Variants in ABL1 observed in about 807,000 individuals in gnomAD.
ABL1 encodes tyrosine-protein kinase ABL1.
ABL1 carries 11 observed loss-of-function variants against 94.7 expected under a neutral mutation model. That is an observed-to-expected ratio of 0.12 (90% confidence interval 0.07 to 0.19). ABL1 has a LOEUF of 0.19. ABL1 is among the 10% of genes least tolerant of loss of function. The pLI is 1.00. For missense variants in ABL1, 1,082 were observed against 1,489.4 expected (o/e 0.73, Z 4.50); for synonymous variants, 656 against 622.4 (o/e 1.05, Z -0.80).
At chr9:130,775,483 T>C (rs1175086920) in intron 1 of ABL1, among the ~76,000 whole-genome samples, 1 of 152,072 alleles carries the variant, frequency 6.6e-6, no homozygotes, top group African/African-American at 2.4e-5. Context: ...TCAGTGAAAT[T>C]AAAACTTCAG....
intron 3 of ABL1, among the ~76,000 whole-genome samples, chr9:130,855,576 G>A (rs1036009774): frequency 1.8e-4 from 27 of 152,106 alleles, no homozygotes; most frequent in Non-Finnish European, 3.2e-4. Context: ...GTGGACATAC[G>A]TGCATACACG....
intron 1 of ABL1, among the ~76,000 whole-genome samples, chr9:130,849,446 T>C (rs1830823280): frequency 6.6e-6 from 1 of 152,238 alleles, no homozygotes; most frequent in Non-Finnish European, 1.5e-5. Flanking sequence ...AAGATGTATC[T>C]GCAGATTTGG....
chr9:130,841,951 G>GAGA (rs1564307628), intron 1 of ABL1, among the ~76,000 whole-genome samples: 1 of 127,890 alleles, frequency 7.8e-6, no homozygotes, highest in African/African-American at 3.5e-5. Context: ...AGAGAGAGAG[G>GAGA]GAGGGAGGAA....
rs1414227306 is a variant in ABL1 at position 130,746,387 on chromosome 9, G to A, written c.136+31932G>A. On this transcript the variant is annotated intron_variant, in intron 1 of 10. Coordinates refer to the ABL1 transcript ENST00000372348. ...TTTATAGATTTGTATAACTACCATC[G>A]CCACCACAGGACATAAAATATTTCC... 4.0e-5 allele frequency among the ~76,000 whole-genome samples: 6 copies of A among 151,642 alleles called. No individual in the cohort carries two copies. In the East Asian group the frequency reaches 5.8e-4, roughly 15 times the overall value.
At chr9:130,800,246 A>G (rs760385285) in intron 1 of ABL1, among the ~76,000 whole-genome samples, 6 of 147,732 alleles carry the variant, frequency 4.1e-5, no homozygotes. Flanking sequence ...AGTACTTTTA[A>G]AAAAATTAAG....
Position 130,880,350 on chromosome 9 carries a change from A to G in ABL1, c.1514-150A>G, listed in dbSNP as rs969942102. 6.5e-6 allele frequency: 7 copies of G among 1,075,560 alleles called. No homozygotes were observed. In the African/African-American group the frequency reaches 1.1e-4, roughly 17 times the overall value. 66.6% of individuals were successfully genotyped at this position (1,075,560 alleles called of 1,614,324 possible). A position where few individuals can be genotyped will look rare whatever the true frequency, so the allele number is the denominator to read the frequency against. Reference sequence around the variant, plus strand: ...GCCCTGCAGAGTTCTAAGAAATGCTAAGGGCTGTTTCTCCGGTATCCACGT... The same window carrying G: ...GCCCTGCAGAGTTCTAAGAAATGCTGAGGGCTGTTTCTCCGGTATCCACGT... On this transcript the variant is annotated intron_variant, in intron 9 of 10. Transcript: ENST00000318560. This position sits in a 1 kb window ranked among gnomAD's most constrained non-coding sequence, Gnocchi z 4.4.
chr9:130,792,348 C>T (rs955329693), intron 1 of ABL1, among the ~76,000 whole-genome samples: 1 of 152,134 alleles, frequency 6.6e-6, no homozygotes, highest in Non-Finnish European at 1.5e-5. Flanking sequence ...CATGGTAGCT[C>T]GCATGGTAAC....
chr9:130,859,378 A>G (rs1292791264), intron 3 of ABL1, among the ~76,000 whole-genome samples: 1 of 152,208 alleles, frequency 6.6e-6, no homozygotes, highest in African/African-American at 2.4e-5. Flanking sequence ...TAGATGTTTA[A>G]GGTTTACCCG....
intron 1 of ABL1, among the ~76,000 whole-genome samples, chr9:130,730,697 G>T (rs1831653475): frequency 6.6e-6 from 1 of 151,690 alleles, no homozygotes; most frequent in African/African-American, 2.4e-5. Context: ...TCATCCTCCT[G>T]AGTAGCTGGG....
At chr9:130,754,419 A>T (rs1425342854) in intron 1 of ABL1, among the ~76,000 whole-genome samples, 2 of 146,114 alleles carry the variant, frequency 1.4e-5, no homozygotes, top group Non-Finnish European at 3.0e-5. Context: ...GAGGCAGGAG[A>T]ATGGCGTGAA....
At chr9:130,876,404 A>ACTTTTC in intron 7 of ABL1, among the ~76,000 whole-genome samples, 1 of 124,422 alleles carries the variant, frequency 8.0e-6, no homozygotes, top group East Asian at 2.0e-4. Flanking sequence ...ATAACAAATT[A>ACTTTTC]CTTTTTCTTT....
At chr9:130,840,230 G>C (rs1336186511) in intron 1 of ABL1, among the ~76,000 whole-genome samples, 4 of 152,346 alleles carry the variant, frequency 2.6e-5, no homozygotes, top group African/African-American at 9.6e-5. Flanking sequence ...TTCTAAGTGT[G>C]TTTTGATGCG....
At chr9:130,751,129 CTT>C (rs60206110) in intron 1 of ABL1, among the ~76,000 whole-genome samples, 127 of 57,450 alleles carry the variant, frequency 2.2e-3, no homozygotes, top group African/African-American at 0.01. Flanking sequence ...TTTTATTCAG[CTT>C]TTTTTTTTTT....
intron 1 of ABL1, among the ~76,000 whole-genome samples, chr9:130,821,952 G>A (rs942796932): frequency 3.3e-5 from 5 of 151,404 alleles, no homozygotes; most frequent in African/African-American, 7.3e-5. Context: ...CCATTCTCCC[G>A]CCTCAGCCTC....
chr9:130,724,172 T>C (rs1831550133), intron 1 of ABL1, among the ~76,000 whole-genome samples: 1 of 152,198 alleles, frequency 6.6e-6, no homozygotes, highest in South Asian at 2.1e-4. Context: ...TACAATGATA[T>C]GATCACTGTT....
chr9:130,790,465 T>TTTTATTTTATTTATTTA (rs1554764264), intron 1 of ABL1, among the ~76,000 whole-genome samples: 4 of 147,908 alleles, frequency 2.7e-5, no homozygotes, highest in African/African-American at 9.9e-5. Context: ...TTCATTTTTA[T>TTTTATTTTATTTATTTA]TTTATTTATT....
chr9:130,783,443 A>C (rs2132789500), intron 1 of ABL1, among the ~76,000 whole-genome samples: 1 of 152,306 alleles, frequency 6.6e-6, no homozygotes, highest in East Asian at 1.9e-4. Flanking sequence ...GACCAAAAGG[A>C]TATATCCTGA....
chr9:130,831,263 A>G (rs1830492066), upstream of ABL1, among the ~76,000 whole-genome samples: 1 of 152,146 alleles, frequency 6.6e-6, no homozygotes. Context: ...GCCTCCTGTC[A>G]GGTTCATCTG....
chr9:130,769,484 A>C (rs1473112568), intron 1 of ABL1, among the ~76,000 whole-genome samples: 1 of 151,762 alleles, frequency 6.6e-6, no homozygotes, highest in Non-Finnish European at 1.5e-5. Context: ...GGTGTGCACC[A>C]CCATGACTGG....
Sources: allele counts gnomAD v4.1 joint callset (sites outside exome capture counted in the v4.1 genomes callset), GRCh38; gene constraint gnomAD v4.1.1; non-coding constraint Gnocchi (gnomAD v3.1); transcripts MANE v1.5; gene names NCBI Gene and HGNC (gene_info 2026-07-23, HGNC 2026-07-21).